Variants in MDGA2 observed in about 807,000 individuals in gnomAD.
MDGA2 encodes MAM domain-containing glycosylphosphatidylinositol anchor protein 2.
A neutral mutation model predicts 117.8 loss-of-function variants in MDGA2; 40 were observed. The observed-to-expected ratio is 0.34, with a 90% confidence interval of 0.26 to 0.44. MDGA2 has a LOEUF of 0.44. MDGA2 is among the 20% of genes least tolerant of loss of function. The pLI is 1.00. For synonymous variants in MDGA2, 452 were observed against 439.0 expected, an observed-to-expected ratio of 1.03 and a Z score of -0.37; for missense variants, 1,123 against 1,250.6, an observed-to-expected ratio of 0.90 and a Z score of 1.54.
chr14:47,607,751 G>T (rs919513402), intron 1 of MDGA2, among the ~76,000 whole-genome samples: 2 of 152,006 alleles, frequency 1.3e-5, no homozygotes, highest in Non-Finnish European at 2.9e-5. Flanking sequence ...GGGGATATGG[G>T]ATATGTATTT....
At chr14:47,426,854 G>C (rs908399473) in intron 1 of MDGA2, among the ~76,000 whole-genome samples, 2 of 151,108 alleles carry the variant, frequency 1.3e-5, no homozygotes, top group Non-Finnish European at 3.0e-5. Flanking sequence ...TTTCAGAGGA[G>C]GCAGGACATT....
intron 10 of MDGA2, among the ~76,000 whole-genome samples, chr14:46,901,793 T>A (rs1218135797): frequency 6.6e-6 from 1 of 152,212 alleles, no homozygotes; most frequent in African/African-American, 2.4e-5. Flanking sequence ...GCTGAGCCTG[T>A]GACCAAAACT....
At chr14:47,222,087 A>T (rs1886325111) in intron 2 of MDGA2, among the ~76,000 whole-genome samples, 1 of 152,046 alleles carries the variant, frequency 6.6e-6, no homozygotes, top group African/African-American at 2.4e-5. Flanking sequence ...CATAGACTAG[A>T]TGTGAATAGA....
At chr14:47,067,752 C>T (rs1300849662) in intron 6 of MDGA2, among the ~76,000 whole-genome samples, 1 of 152,150 alleles carries the variant, frequency 6.6e-6, no homozygotes, top group East Asian at 1.9e-4. Flanking sequence ...AAGACTTAAT[C>T]TTTCTCATTT....
At chr14:47,636,716 C>T (rs1218559314) in intron 1 of MDGA2, among the ~76,000 whole-genome samples, 3 of 129,296 alleles carry the variant, frequency 2.3e-5, no homozygotes, top group Non-Finnish European at 3.1e-5. Flanking sequence ...ACCCAGGAGA[C>T]GAAGGTTGCA....
chr14:47,593,490 A>G (rs1158850700), intron 1 of MDGA2, among the ~76,000 whole-genome samples: 2 of 152,188 alleles, frequency 1.3e-5, no homozygotes, highest in African/African-American at 4.8e-5. Flanking sequence ...AATGTCCATC[A>G]ATGATAGACT....
intron 1 of MDGA2, among the ~76,000 whole-genome samples, chr14:47,372,766 C>T (rs1052781032): frequency 2.6e-5 from 4 of 151,812 alleles, no homozygotes; most frequent in African/African-American, 4.8e-5. Context: ...AAATGATTAT[C>T]GTAGCTTTGT....
chr14:47,471,741 T>A (rs1893732947), intron 1 of MDGA2, among the ~76,000 whole-genome samples: 1 of 152,014 alleles, frequency 6.6e-6, no homozygotes, highest in African/African-American at 2.4e-5. Context: ...AGTAAAAAAC[T>A]CTATGAAAGC....
chr14:46,918,510 T>C (rs1471436275), intron 10 of MDGA2, among the ~76,000 whole-genome samples: 1 of 152,126 alleles, frequency 6.6e-6, no homozygotes, highest in Non-Finnish European at 1.5e-5. Context: ...ATTAGCAAAT[T>C]AGAATGGGTA....
intron 3 of MDGA2, among the ~76,000 whole-genome samples, chr14:47,157,455 G>C (rs1566655549): frequency 6.6e-6 from 1 of 152,008 alleles, no homozygotes; most frequent in East Asian, 1.9e-4. Flanking sequence ...TATTATTCTA[G>C]AGAAAGAGTT....
chr14:47,206,138 A>T (rs1885673756), intron 3 of MDGA2, among the ~76,000 whole-genome samples: 1 of 152,060 alleles, frequency 6.6e-6, no homozygotes, highest in Non-Finnish European at 1.5e-5. Context: ...GAGAACTGCC[A>T]TTAAGATTAT....
At chr14:47,051,786 C>G (rs1192517706) in intron 7 of MDGA2, among the ~76,000 whole-genome samples, 1 of 151,866 alleles carries the variant, frequency 6.6e-6, no homozygotes, top group Non-Finnish European at 1.5e-5. Flanking sequence ...GCCTGTGGAT[C>G]CAATCATCAT....
chr14:47,417,750 T>TGTCACCCAGGATGGACTGCAGTGGC (rs1892503058), intron 1 of MDGA2, among the ~76,000 whole-genome samples: 1 of 152,168 alleles, frequency 6.6e-6, no homozygotes, highest in East Asian at 1.9e-4. Context: ...GATCTTTCTC[T>TGTCACCCAGGATGGACTGCAGTGGC]GTCACCCAGG....
intron 12 of MDGA2, among the ~76,000 whole-genome samples, chr14:46,875,179 A>G (rs1882175253): frequency 6.6e-6 from 1 of 151,894 alleles, no homozygotes; most frequent in East Asian, 1.9e-4. Flanking sequence ...CCTGGAATTC[A>G]TAGAGATATA....
At chr14:47,377,687 G>A (rs182825763) in intron 1 of MDGA2, among the ~76,000 whole-genome samples, 2 of 152,252 alleles carry the variant, frequency 1.3e-5, no homozygotes, top group Admixed American at 1.3e-4. Context: ...CATTGCTGAG[G>A]CTTGAGTAGG....
chr14:47,455,217 G>A (rs961095737), intron 1 of MDGA2, among the ~76,000 whole-genome samples: 1 of 152,130 alleles, frequency 6.6e-6, no homozygotes, highest in Non-Finnish European at 1.5e-5. Context: ...TTTTAAGAAT[G>A]CATTGCAGTC....
At chr14:47,433,231 A>T (rs1291307447) in intron 1 of MDGA2, among the ~76,000 whole-genome samples, 1 of 152,108 alleles carries the variant, frequency 6.6e-6, no homozygotes, top group African/African-American at 2.4e-5. Flanking sequence ...ACTATTAGAC[A>T]TAGAAACCTT....
intron 1 of MDGA2, chr14:47,343,208 T>G (rs1246360978): frequency 1.8e-6 from 2 of 1,137,004 alleles, no homozygotes; most frequent in Non-Finnish European, 2.2e-6. Flanking sequence ...AAAGGAATGG[T>G]GATTTTTTTT....
At chr14:47,084,499 A>C (rs971827069) in intron 6 of MDGA2, among the ~76,000 whole-genome samples, 1 of 40,710 alleles carries the variant, frequency 2.5e-5, no homozygotes, top group African/African-American at 1.4e-4. Flanking sequence ...AGCAAAAATT[A>C]AAAAAAAAAA....
Sources: allele counts gnomAD v4.1 joint callset (sites outside exome capture counted in the v4.1 genomes callset), GRCh38; gene constraint gnomAD v4.1.1; transcripts MANE v1.5; gene names NCBI Gene and HGNC (gene_info 2026-07-23, HGNC 2026-07-21).